Variants in GABRG3 observed in about 807,000 individuals in gnomAD.
The protein encoded by GABRG3 is gamma-aminobutyric acid type A receptor subunit gamma3, also known as gamma-aminobutyric acid receptor subunit gamma-3.
A neutral mutation model predicts 48.8 loss-of-function variants in GABRG3; 25 were observed. The observed-to-expected ratio is 0.51, with a 90% CI of 0.37 to 0.72. The LOEUF (loss-of-function observed/expected upper bound fraction) is 0.72. Among genes scored for constraint, GABRG3 ranks in the 30% least tolerant of loss-of-function variants. The pLI, the probability that GABRG3 is intolerant of heterozygous loss-of-function variation, is 0.00. For synonymous variants in GABRG3, 227 were observed against 217.6 expected (o/e 1.04, Z -0.38); for missense variants, 394 against 577.9 (o/e 0.68, Z 3.26).
intron 3 of GABRG3, among the ~76,000 whole-genome samples, chr15:27,308,366 C>T (rs1379234176): frequency 7.7e-6 from 1 of 129,622 alleles, no homozygotes; most frequent in Non-Finnish European, 1.6e-5. Context: ...TATATATAAA[C>T]ATATAAACAT....
At chr15:27,436,230 T>C (rs930796583) in intron 5 of GABRG3, among the ~76,000 whole-genome samples, 14 of 152,190 alleles carry the variant, frequency 9.2e-5, no homozygotes, top group Admixed American at 3.9e-4. Context: ...CTAATGGCTG[T>C]CTTCAGAGAA....
chr15:27,189,988 TG>T (rs1477224921), intron 3 of GABRG3, among the ~76,000 whole-genome samples: 1 of 152,218 alleles, frequency 6.6e-6, no homozygotes, highest in African/African-American at 2.4e-5. Context: ...GATAATTATG[TG>T]GTTTTTGTCT....
chr15:27,034,347 C>T (rs1896138719), intron 3 of GABRG3, among the ~76,000 whole-genome samples: 1 of 152,006 alleles, frequency 6.6e-6, no homozygotes, highest in Admixed American at 6.6e-5. Context: ...AAGAAGTCTG[C>T]CCATGGCCAC....
intron 5 of GABRG3, among the ~76,000 whole-genome samples, chr15:27,329,401 ACTATGGGCACGTG>A (rs1893729767): frequency 6.6e-6 from 1 of 152,120 alleles, no homozygotes; most frequent in African/African-American, 2.4e-5. Flanking sequence ...AGTAGCTGGG[ACTATGGGCACGTG>A]CTACCACACC....
intron 3 of GABRG3, among the ~76,000 whole-genome samples, chr15:27,035,636 G>A (rs1566915657): frequency 6.6e-6 from 1 of 152,192 alleles, no homozygotes. Context: ...TGACAGGTTT[G>A]CTGCAAGCCC....
At chr15:27,463,318 A>G (rs2150836574) in intron 5 of GABRG3, among the ~76,000 whole-genome samples, 1 of 152,360 alleles carries the variant, frequency 6.6e-6, no homozygotes, top group South Asian at 2.1e-4. Context: ...AGATAGGCAT[A>G]TATTCTTGAC....
intron 3 of GABRG3, among the ~76,000 whole-genome samples, chr15:27,300,908 G>T (rs144557345): frequency 2.0e-5 from 3 of 151,118 alleles, no homozygotes; most frequent in African/African-American, 7.3e-5. Context: ...TGGAGGTTGC[G>T]GTAAGCCAAG....
At chr15:27,223,160 G>T (rs1225230516) in intron 3 of GABRG3, among the ~76,000 whole-genome samples, 1 of 152,120 alleles carries the variant, frequency 6.6e-6, no homozygotes, top group Non-Finnish European at 1.5e-5. Context: ...TATTAATGTG[G>T]GTCAGCCCTG....
At chr15:27,061,234 C>T (rs529122505) in intron 3 of GABRG3, among the ~76,000 whole-genome samples, 2 of 152,316 alleles carry the variant, frequency 1.3e-5, no homozygotes, top group African/African-American at 4.8e-5. Context: ...CCGTGTTCAT[C>T]AGGCGTCTGC....
chr15:27,004,323 G>T (rs1362641991), intron 2 of GABRG3, among the ~76,000 whole-genome samples: 1 of 151,820 alleles, frequency 6.6e-6, no homozygotes, highest in Non-Finnish European at 1.5e-5. Context: ...TGGCGGGGCA[G>T]AGGCGGTCCC....
intron 2 of GABRG3, among the ~76,000 whole-genome samples, chr15:27,025,691 G>A (rs57312126): frequency 0.011 from 1,703 of 152,272 alleles, 38 homozygotes; most frequent in African/African-American, 0.039. Context: ...GCCATTCATT[G>A]TTTCAAAAGT....
chr15:27,441,030 C>A (rs1475436966), intron 5 of GABRG3, among the ~76,000 whole-genome samples: 3 of 152,270 alleles, frequency 2.0e-5, no homozygotes, highest in African/African-American at 4.8e-5. Context: ...AATATGCCAT[C>A]CCATCCCCAC....
intron 6 of GABRG3, among the ~76,000 whole-genome samples, chr15:27,485,092 G>T (rs1285212792): frequency 6.6e-6 from 1 of 152,096 alleles, no homozygotes; most frequent in Non-Finnish European, 1.5e-5. Flanking sequence ...ACATGTATAG[G>T]GGATAACGTC....
chr15:26,990,637 G>A (rs755738619), intron 2 of GABRG3, among the ~76,000 whole-genome samples: 3 of 151,882 alleles, frequency 2.0e-5, no homozygotes, highest in Non-Finnish European at 2.9e-5. Context: ...TTAATGTGAC[G>A]TGATCTCATT....
chr15:27,527,360 G>A, intron 7 of GABRG3, 73 bp from the exon 8 acceptor site: 1 of 1,416,940 alleles, frequency 7.1e-7, no homozygotes, highest in East Asian at 2.3e-5. Flanking sequence ...GGGGTGGAGG[G>A]ATGTGGGTGA....
intron 3 of GABRG3, among the ~76,000 whole-genome samples, chr15:27,139,748 A>G (rs1898071069): frequency 6.6e-6 from 1 of 152,192 alleles, no homozygotes; most frequent in African/African-American, 2.4e-5. Flanking sequence ...TGTGTTTTGT[A>G]TGCTAATGAG....
intron 5 of GABRG3, among the ~76,000 whole-genome samples, chr15:27,429,423 AAT>A: frequency 6.6e-6 from 1 of 152,158 alleles, no homozygotes; most frequent in Non-Finnish European, 1.5e-5. Flanking sequence ...TCACAACTTT[AAT>A]GAGATATAAT....
intron 6 of GABRG3, among the ~76,000 whole-genome samples, chr15:27,501,962 C>T (rs536595944): frequency 6.6e-6 from 1 of 152,270 alleles, no homozygotes; most frequent in South Asian, 2.1e-4. Context: ...GAAGCATTCT[C>T]ACACATTGGC....
intron 2 of GABRG3, among the ~76,000 whole-genome samples, chr15:27,012,774 C>T (rs1319523468): frequency 6.6e-6 from 1 of 152,174 alleles, no homozygotes; most frequent in East Asian, 1.9e-4. Flanking sequence ...GTTTCACGCA[C>T]TGTGATTTAA....
Sources: allele counts gnomAD v4.1 joint callset (sites outside exome capture counted in the v4.1 genomes callset), GRCh38; gene constraint gnomAD v4.1.1; transcripts MANE v1.5; gene names NCBI Gene and HGNC (gene_info 2026-07-23, HGNC 2026-07-21).